The following SLC8A1 variants were observed in gnomAD, a reference collection of about 807,000 sequenced individuals.
SLC8A1 encodes sodium/calcium exchanger 1.
Under a neutral mutation model 68.3 loss-of-function variants are expected in SLC8A1, and 18 were observed. That is an observed-to-expected ratio of 0.26 (90% CI 0.18 to 0.39). The LOEUF is 0.39. Among genes scored for constraint, SLC8A1 ranks in the 10% least tolerant of loss-of-function variants. SLC8A1 has a pLI of 1.00. For missense variants in SLC8A1, 985 were observed against 1,156.7 expected, an observed-to-expected ratio of 0.85 and a Z score of 2.15; for synonymous variants, 475 against 415.5, an observed-to-expected ratio of 1.14 and a Z score of -1.74.
intron 2 of SLC8A1, among the ~76,000 whole-genome samples, chr2:40,277,496 G>A (rs1267205910): frequency 6.6e-6 from 1 of 151,722 alleles, no homozygotes; most frequent in African/African-American, 2.4e-5. Flanking sequence ...GCTGAGATAC[G>A]ACCACTGCCC....
intron 1 of SLC8A1, among the ~76,000 whole-genome samples, chr2:40,466,078 G>A (rs1393207481): frequency 3.9e-5 from 6 of 152,074 alleles, no homozygotes; most frequent in African/African-American, 9.7e-5. Context: ...GAAAATAAAT[G>A]TCTGTTCTCT....
At chr2:40,199,332 T>A (rs1166726996) in intron 2 of SLC8A1, among the ~76,000 whole-genome samples, 1 of 151,694 alleles carries the variant, frequency 6.6e-6, no homozygotes, top group East Asian at 1.9e-4. Flanking sequence ...GGATGAAGCT[T>A]GGCAGGCGTG....
intron 1 of SLC8A1, among the ~76,000 whole-genome samples, chr2:40,434,798 C>G (rs1426187351): frequency 6.6e-6 from 1 of 152,040 alleles, no homozygotes; most frequent in East Asian, 1.9e-4. Flanking sequence ...GATTACAGAC[C>G]CAAATGACAC....
chr2:40,392,871 C>G (rs1033573991), intron 2 of SLC8A1, among the ~76,000 whole-genome samples: 1 of 152,046 alleles, frequency 6.6e-6, no homozygotes, highest in African/African-American at 2.4e-5. Context: ...ACTTTTTACT[C>G]ACTTCACTTC....
At chr2:40,229,704 C>T (rs907368180) in intron 2 of SLC8A1, among the ~76,000 whole-genome samples, 1 of 152,130 alleles carries the variant, frequency 6.6e-6, no homozygotes, top group East Asian at 1.9e-4. Context: ...AACCTAACAA[C>T]TATACTTTTC....
At chr2:40,340,664 C>G (rs1667409121) in intron 2 of SLC8A1, among the ~76,000 whole-genome samples, 1 of 152,172 alleles carries the variant, frequency 6.6e-6, no homozygotes, top group Non-Finnish European at 1.5e-5. Flanking sequence ...ATACAGAACT[C>G]TCTTATCAGA....
intron 1 of SLC8A1, among the ~76,000 whole-genome samples, chr2:40,476,949 G>C (rs1704329334): frequency 6.6e-6 from 1 of 152,178 alleles, no homozygotes. Flanking sequence ...TTTTGAAGCA[G>C]TGAGTGAATC....
intron 2 of SLC8A1, among the ~76,000 whole-genome samples, chr2:40,315,438 A>ATTTT (rs71406056): frequency 0.015 from 2,096 of 138,380 alleles, 25 homozygotes; most frequent in Middle Eastern, 0.031. Context: ...TTTCCTAAGA[A>ATTTT]TTTTTTTTTT....
At chr2:40,316,181 A>T (rs563286544) in intron 2 of SLC8A1, among the ~76,000 whole-genome samples, 1 of 152,054 alleles carries the variant, frequency 6.6e-6, no homozygotes, top group Non-Finnish European at 1.5e-5. Context: ...GTAAAAACCT[A>T]TTTGGTTTAT....
intron 2 of SLC8A1, among the ~76,000 whole-genome samples, chr2:40,387,121 G>C (rs1683816642): frequency 6.6e-6 from 1 of 151,384 alleles, no homozygotes; most frequent in Admixed American, 6.6e-5. Flanking sequence ...TGACCTCACA[G>C]AGCATTGGAC....
intron 2 of SLC8A1, among the ~76,000 whole-genome samples, chr2:40,413,170 C>A (rs932288353): frequency 6.6e-6 from 1 of 152,192 alleles, no homozygotes; most frequent in Non-Finnish European, 1.5e-5. Flanking sequence ...TAAACTAGTT[C>A]AACCATTGTG....
At chr2:40,163,456 C>T (rs995252651) in intron 5 of SLC8A1, among the ~76,000 whole-genome samples, 1 of 152,058 alleles carries the variant, frequency 6.6e-6, no homozygotes, top group Admixed American at 6.5e-5. Flanking sequence ...CTCTCTGATT[C>T]CAAATGAAAA....
At chr2:40,413,224 C>T (rs1454569423) in intron 2 of SLC8A1, among the ~76,000 whole-genome samples, 2 of 152,166 alleles carry the variant, frequency 1.3e-5, no homozygotes, top group Admixed American at 6.5e-5. Flanking sequence ...ACTAGAAATA[C>T]CATTTGGCCC....
exon 2 of SLC8A1, chr2:40,428,735 A>G (rs139164260): frequency 1.2e-6 from 2 of 1,613,892 alleles, no homozygotes; most frequent in South Asian, 1.1e-5. Context: ...GCAAGTGTAG[A>G]AACATGATTG....
chr2:40,247,359 C>G (rs911054886), intron 2 of SLC8A1, among the ~76,000 whole-genome samples: 1 of 152,092 alleles, frequency 6.6e-6, no homozygotes, highest in African/African-American at 2.4e-5. Context: ...ATTTCACTTG[C>G]CACGTGTTTG....
At chr2:40,296,333 A>C (rs1341590405) in intron 2 of SLC8A1, among the ~76,000 whole-genome samples, 1 of 152,200 alleles carries the variant, frequency 6.6e-6, no homozygotes, top group Non-Finnish European at 1.5e-5. Context: ...AGCAACTTGA[A>C]GGTGCTACAG....
At chr2:40,416,460 G>T (rs1337058442) in intron 2 of SLC8A1, among the ~76,000 whole-genome samples, 1 of 151,894 alleles carries the variant, frequency 6.6e-6, no homozygotes, top group African/African-American at 2.4e-5. Context: ...GACTAATTTA[G>T]AAAACAAAAA....
intron 2 of SLC8A1, among the ~76,000 whole-genome samples, chr2:40,331,311 C>T (rs997730429): frequency 6.6e-6 from 1 of 152,100 alleles, no homozygotes; most frequent in Non-Finnish European, 1.5e-5. Flanking sequence ...CTAACCAATG[C>T]TTTTAACTTC....
intron 2 of SLC8A1, among the ~76,000 whole-genome samples, chr2:40,370,019 T>C (rs985029848): frequency 2.0e-5 from 3 of 152,152 alleles, no homozygotes. Flanking sequence ...TTGAGATAAC[T>C]GTAAAATCTT....
Sources: gnomAD v4.1 joint callset for allele counts (sites outside exome capture counted in the v4.1 genomes callset) on GRCh38, gnomAD v4.1.1 for gene constraint, MANE v1.5 for transcripts, NCBI Gene and HGNC (gene_info 2026-07-23, HGNC 2026-07-21) for gene names.